The following XRCC6 variants were observed in gnomAD, a reference collection of about 807,000 sequenced individuals.
XRCC6 encodes the protein DNA repair protein Ku70.
In XRCC6, 5 loss-of-function variants were observed where a neutral mutation model predicts 65.7. The observed-to-expected ratio is 0.08, with a 90% CI of 0.04 to 0.16. The LOEUF (loss-of-function observed/expected upper bound fraction) is 0.16, where lower values mean the gene tolerates loss of function less well. Among genes scored for constraint, XRCC6 ranks in the 10% least tolerant of loss-of-function variants. The pLI, the probability that XRCC6 is intolerant of heterozygous loss-of-function variation, is 1.00. For synonymous variants in XRCC6, 270 were observed against 270.6 expected (o/e 1.00, Z 0.02); for missense variants, 447 against 738.1 (o/e 0.61, Z 4.57).
rs777806911 is a variant in XRCC6 at position 41,658,367 on chromosome 22, T to A, written c.1522+15T>A. 4 of 1,611,580 alleles carry A rather than the reference T, an allele frequency of 2.5e-6. No individual in the cohort carries two copies. The highest frequency in any genetic ancestry group is 3.4e-6 in the Non-Finnish European group (4 of 1,177,752). On this transcript the variant is annotated intron_variant, in intron 11 of 12. Coordinates refer to ENST00000360079, the MANE Select transcript of XRCC6 (RefSeq NM_001469.5). ...GGACCTGACATGTAAGGAGGTTGAA[T>A]AGAGTAGTTCTTTTCATGGGAGGCT... is the stretch of plus-strand genomic sequence containing the variant.
rs1034163867 is a variant in XRCC6, at chr22:41,658,330, G to A, written c.1500G>A (p.Pro500=). Residue 500 remains proline, a synonymous_variant, in exon 11 of 13, where the codon CCG becomes CCA. Coordinates refer to ENST00000360079, the MANE Select transcript of XRCC6 (RefSeq NM_001469.5). ...LEALALDLME[P]EQAVDLTLPK... ...CCTTGGCCTTGGATTTGATGGAGCC[G>A]GAACAAGCAGTGGACCTGACATGTA... is the stretch of plus-strand genomic sequence containing the variant. The A allele has an allele frequency of 1.2e-5, 20 of 1,613,990 alleles. No homozygotes were observed. The highest frequency in any genetic ancestry group is 1.6e-4 in the Middle Eastern group (1 of 6,070).
At chr22:41,663,008 G>A (rs1002905033) in intron 12 of XRCC6, among the ~76,000 whole-genome samples, 4 of 152,122 alleles carry the variant, frequency 2.6e-5, no homozygotes, top group Non-Finnish European at 4.4e-5. Flanking sequence ...TTGAACCCGG[G>A]AGGCAGAGGT....
rs386395480 is a variant in XRCC6 at position 41,639,329 on chromosome 22, C to CTTTTTTTTTTTTTTTTTTT, written c.773+1545_773+1563dup. 1.9e-4 allele frequency among the ~76,000 whole-genome samples: 12 copies of CTTTTTTTTTTTTTTTTTTT among 64,560 alleles called. 3 individuals carry two copies. The highest frequency in any genetic ancestry group is 7.4e-4 in the African/African-American group (12 of 16,298). 42.4% of individuals were successfully genotyped at this position (64,560 alleles called of 152,430 possible). A position where few individuals can be genotyped will look rare whatever the true frequency, so the allele number is the denominator to read the frequency against. ...GGAACCAGATTGCTAGATTCTTTTT[C>CTTTTTTTTTTTTTTTTTTT]TTTTTTTTTTTTTTTTTTTTTTTTT... On this transcript the variant is annotated intron_variant, in intron 6 of 12. Coordinates refer to ENST00000360079, the MANE Select transcript of XRCC6 (RefSeq NM_001469.5).
intron 3 of XRCC6, among the ~76,000 whole-genome samples, chr22:41,629,019 C>A (rs1171476022): frequency 7.6e-6 from 1 of 131,126 alleles, no homozygotes. Context: ...AGATGTCCAA[C>A]AAGCACAGGA....
chr22:41,661,230 G>A, intron 11 of XRCC6, 101 bp from the exon 12 acceptor site: 2 of 975,420 alleles, frequency 2.1e-6, no homozygotes, highest in Non-Finnish European at 3.1e-6. Flanking sequence ...CACCTTAGCA[G>A]TTAGGTGCTC....
Position 41,649,853 on chromosome 22 carries a change from T to A in XRCC6, c.961-870T>A, listed in dbSNP as rs998319826. ...GAGACTGTCTCAAAAAAAAAAATAA[T>A]AATAAATAAATAAATAAATAGATAT... On this transcript the variant is annotated intron_variant, in intron 7 of 12. Transcript: ENST00000360079. 4.4e-3 allele frequency among the ~76,000 whole-genome samples: 643 copies of A among 146,204 alleles called. 10 individuals are homozygous for A. The highest frequency in any genetic ancestry group is 0.012 in the African/African-American group (470 of 39,772).
At position 41,644,091 on chromosome 22, in the gene XRCC6, G is replaced by C. The variant is rs1328069135; in HGVS notation, c.774-2805G>C. On this transcript the variant is annotated intron_variant, in intron 6 of 12. Transcript: ENST00000360079. ...GAACCCGGGAGGCGGAGGTTGCAGT[G>C]AGCCGAGATGGCGCCACTGCACTCC... is the stretch of plus-strand genomic sequence containing the variant. Among the ~76,000 whole-genome samples, 6 of 152,162 alleles carry C rather than the reference G, an allele frequency of 3.9e-5. No homozygotes were observed. The East Asian group carries it at 1.2e-3, about 29-fold the overall frequency.
intron 6 of XRCC6, among the ~76,000 whole-genome samples, chr22:41,645,293 C>T (rs907396772): frequency 1.3e-5 from 2 of 150,462 alleles, no homozygotes; most frequent in African/African-American, 4.9e-5. Context: ...GAGCGAAACT[C>T]CATCTTTAAA....
At chr22:41,640,933 A>C (rs1266511970) in intron 6 of XRCC6, among the ~76,000 whole-genome samples, 1 of 152,114 alleles carries the variant, frequency 6.6e-6, no homozygotes. Flanking sequence ...AGCCTTAGTA[A>C]AATGGGAGCA....
At chr22:41,633,781 C>T (rs2067782027) in intron 3 of XRCC6, among the ~76,000 whole-genome samples, 1 of 152,058 alleles carries the variant, frequency 6.6e-6, no homozygotes, top group African/African-American at 2.4e-5. Flanking sequence ...GTTAATGGAA[C>T]CCTTGATGCC....
At chr22:41,639,329 CTTTTTTTT>C (rs386395480) in intron 6 of XRCC6, among the ~76,000 whole-genome samples, 24 of 64,586 alleles carry the variant, frequency 3.7e-4, no homozygotes, top group South Asian at 7.0e-4. Context: ...GATTCTTTTT[CTTTTTTTT>C]TTTTTTTTTT....
chr22:41,651,919 G>T (rs1453507050), intron 8 of XRCC6, among the ~76,000 whole-genome samples: 2 of 151,972 alleles, frequency 1.3e-5, no homozygotes, highest in East Asian at 3.9e-4. Context: ...AAGTAGCTGG[G>T]ATTACAGGTG....
chr22:41,622,511 A>G (rs750088732), intron 2 of XRCC6, among the ~76,000 whole-genome samples: 5 of 152,186 alleles, frequency 3.3e-5, no homozygotes, highest in Admixed American at 3.3e-4. Context: ...TTCCCTCACT[A>G]TAGCCTCCAC....
At chr22:41,658,194 A>T in intron 10 of XRCC6, 58 bp from the exon 11 acceptor site, 1 of 1,577,876 alleles carries the variant, frequency 6.3e-7, no homozygotes, top group South Asian at 1.1e-5. Flanking sequence ...GTTTTATTCT[A>T]ATTTTTTCAA....
chr22:41,645,451 C>A (rs2067921539), intron 6 of XRCC6, among the ~76,000 whole-genome samples: 1 of 151,976 alleles, frequency 6.6e-6, no homozygotes, highest in Non-Finnish European at 1.5e-5. Flanking sequence ...AGAAAGTATC[C>A]TCTGGAATCA....
intron 1 of XRCC6, 143 bp from the exon 2 acceptor site, chr22:41,621,847 G>A (rs904038130): frequency 1.4e-6 from 1 of 717,110 alleles, no homozygotes; most frequent in Non-Finnish European, 2.3e-6. Flanking sequence ...CAGTCCGACT[G>A]CCGAGCTTTC....
chr22:41,643,764 T>C (rs1569089884), intron 6 of XRCC6, among the ~76,000 whole-genome samples: 1 of 150,334 alleles, frequency 6.7e-6, no homozygotes, highest in Non-Finnish European at 1.5e-5. Context: ...GAGGTTGCAG[T>C]GAGCTGAGAT....
intron 12 of XRCC6, 47 bp downstream of exon 12, chr22:41,661,491 T>C (rs2068098918): frequency 6.5e-7 from 1 of 1,528,636 alleles, no homozygotes; most frequent in African/African-American, 1.4e-5. Context: ...AAAATTGCTT[T>C]TATGATAGTC....
chr22:41,652,888 G>T (rs574546424), intron 8 of XRCC6, among the ~76,000 whole-genome samples: 1 of 151,548 alleles, frequency 6.6e-6, no homozygotes, highest in African/African-American at 2.4e-5. Flanking sequence ...TGGCCAGGTT[G>T]GTCTCGAACT....
Sources: gnomAD v4.1 joint callset for allele counts (sites outside exome capture counted in the v4.1 genomes callset) on GRCh38, gnomAD v4.1.1 for gene constraint, MANE v1.5 for transcripts, NCBI Gene and HGNC (gene_info 2026-07-23, HGNC 2026-07-21) for gene names.